Variants in ATRX observed in about 807,000 individuals in gnomAD.
ATRX encodes the protein ATRX chromatin remodeler.
A neutral mutation model predicts 172.6 loss-of-function variants in ATRX; 12 were observed. The observed-to-expected ratio is 0.07, with a 90% CI of 0.04 to 0.11. The LOEUF is 0.11. Ranked by LOEUF, ATRX falls within the 10% of genes least tolerant of loss-of-function variation. The pLI is 1.00. For missense variants in ATRX, 1,368 were observed against 1,767.4 expected, an observed-to-expected ratio of 0.77 and a Z score of 4.05; for synonymous variants, 674 against 594.7, an observed-to-expected ratio of 1.13 and a Z score of -1.94.
intron 22 of ATRX, among the ~76,000 whole-genome samples, chrX:77,606,729 C>A (rs1356139071): frequency 2.1e-5 from 2 of 96,460 alleles, no homozygotes; most frequent in Non-Finnish European, 4.1e-5. Flanking sequence ...TCAAGACAAG[C>A]CTGGGCAACA....
chrX:77,593,861 A>G lies in ATRX; in HGVS notation c.5957-12T>C. 8.3e-7 allele frequency: 1 copy of G among 1,199,416 alleles called. No homozygotes were observed. Among genetic ancestry groups the G allele is most frequent in the Non-Finnish European group, 1.1e-6 (1 of 884,759 alleles). The stretch of plus-strand genomic sequence containing the variant: ...AGAAGTAGCTTTACCTAAATAAGAC[A>G]AATGGAACATAAGTAGGTAAATTAG... On this transcript the variant is annotated splice_polypyrimidine_tract_variant and intron_variant, in intron 25 of 34. Transcript: ENST00000373344.
At chrX:77,688,275 T>G (rs2071692438) in intron 7 of ATRX, among the ~76,000 whole-genome samples, 1 of 111,738 alleles carries the variant, frequency 8.9e-6, no homozygotes, top group Non-Finnish European at 1.9e-5. Context: ...TCCAAGGTAT[T>G]ACTAACAAAA....
chrX:77,724,502 G>A (rs782377955), intron 1 of ATRX, among the ~76,000 whole-genome samples: 17 of 109,932 alleles, frequency 1.5e-4, no homozygotes, highest in African/African-American at 5.3e-4. Context: ...AAACTGCTGG[G>A]ATTACAGGAG....
chrX:77,513,379 G>C (rs1477379140), intron 34 of ATRX, among the ~76,000 whole-genome samples: 1 of 105,283 alleles, frequency 9.5e-6, no homozygotes, highest in Non-Finnish European at 1.9e-5. Context: ...ACTAGATGCA[G>C]CAAGGTGGAA....
chrX:77,780,743 C>A lies in ATRX; in HGVS notation c.20+5239G>T, dbSNP rs572458009. Reference sequence around the variant, plus strand: ...ATCGCTTAAGTCCAGGAGTTCAAGACCAGACTGGGCAACAAAGTGAGACCA... The same window carrying A: ...ATCGCTTAAGTCCAGGAGTTCAAGAACAGACTGGGCAACAAAGTGAGACCA... On this transcript the variant is annotated intron_variant, in intron 1 of 34. Coordinates refer to ENST00000373344, the MANE Select transcript of ATRX (RefSeq NM_000489.6). 3.8e-4 allele frequency among the ~76,000 whole-genome samples: 42 copies of A among 109,493 alleles called. 1 individual carries two copies. In the South Asian group the frequency reaches 0.017, roughly 44 times the overall value.
chrX:77,609,038 A>T (rs2067041874), intron 22 of ATRX, among the ~76,000 whole-genome samples: 1 of 111,813 alleles, frequency 8.9e-6, no homozygotes, highest in African/African-American at 3.3e-5. Flanking sequence ...AAACTACAAT[A>T]AGATATCATC....
chrX:77,659,753 T>G (rs1292837651), intron 12 of ATRX, among the ~76,000 whole-genome samples: 1 of 111,945 alleles, frequency 8.9e-6, no homozygotes, highest in African/African-American at 3.2e-5. Context: ...CATGTTGCAC[T>G]TTGTTCTTAT....
chrX:77,626,761 G>C (rs1293527966), intron 19 of ATRX, among the ~76,000 whole-genome samples: 1 of 111,986 alleles, frequency 8.9e-6, no homozygotes, highest in East Asian at 2.8e-4. Flanking sequence ...CTAGGAGGTA[G>C]GGAACTTTTA....
At chrX:77,666,383 C>T (rs2070238280) in intron 10 of ATRX, among the ~76,000 whole-genome samples, 1 of 112,084 alleles carries the variant, frequency 8.9e-6, no homozygotes, top group African/African-American at 3.2e-5. Flanking sequence ...ACAGGGTTGC[C>T]AACTTTTCAT....
chrX:77,657,571 T>C (rs946760579), intron 12 of ATRX, among the ~76,000 whole-genome samples: 1 of 111,520 alleles, frequency 9.0e-6, no homozygotes, highest in South Asian at 3.7e-4. Flanking sequence ...TACTATTTGA[T>C]TATAACTGGT....
chrX:77,642,573 T>A lies in ATRX; in HGVS notation c.4558-6517A>T, dbSNP rs1441471131. On this transcript the variant is annotated intron_variant, in intron 15 of 34. Transcript: ENST00000373344. Reference sequence around the variant, plus strand: ...AGAAGGCTGAAGTGGGAGAATTGCTTGAGCCCAGGAATTCCAGGCTACAGT... The same window carrying A: ...AGAAGGCTGAAGTGGGAGAATTGCTAGAGCCCAGGAATTCCAGGCTACAGT... Among the ~76,000 whole-genome samples, 4 of 108,284 alleles carry A rather than the reference T, an allele frequency of 3.7e-5. No individual in the cohort carries two copies. The Admixed American group carries it at 4.0e-4, about 11-fold the overall frequency. 94.0% of individuals were successfully genotyped at this position (108,284 alleles called of 115,157 possible).
intron 19 of ATRX, among the ~76,000 whole-genome samples, chrX:77,633,002 T>A (rs2068181280): frequency 8.9e-6 from 1 of 111,948 alleles, no homozygotes; most frequent in Non-Finnish European, 1.9e-5. Context: ...ACTTTCAGAC[T>A]CAGCAAATAA....
chrX:77,526,664 A>T (rs1463578368), intron 30 of ATRX, among the ~76,000 whole-genome samples: 3 of 112,695 alleles, frequency 2.7e-5, no homozygotes, highest in Non-Finnish European at 5.6e-5. Context: ...AGAAAACATA[A>T]AAACTGAAAC....
rs781898638 is a variant in ATRX at position 77,633,199 on chromosome X, T to C, written c.5134+8A>G. 5 of 1,205,603 alleles carry C rather than the reference T, an allele frequency of 4.1e-6. No homozygotes were observed. The highest frequency in any genetic ancestry group is 3.0e-5 in the East Asian group (1 of 33,800). Reference sequence around the variant, plus strand: ...GCTTCTTTATGTCACTGTCTATTAATACCTTACCTGGATCAACCAAAGCTT... The same window carrying C: ...GCTTCTTTATGTCACTGTCTATTAACACCTTACCTGGATCAACCAAAGCTT... On this transcript the variant is annotated splice_region_variant and intron_variant, in intron 19 of 34. Transcript: ENST00000373344.
In ATRX at chrX:77,717,172, T is replaced by C; in HGVS notation, c.92A>G (p.Glu31Gly). ...FLAHSSEESE[E>G]TSSPPRLAMN... The stretch of plus-strand genomic sequence containing the variant: ...TGCAAGTCGTGGAGGAGAACTTGTT[T>C]CTTCAGATTCTTCTGATGAGTGTGC... Residue 31 changes from glutamate to glycine, a missense_variant, in exon 2 of 35, where the codon GAA becomes GGA. Glu to Gly is a moderately conservative substitution (Grantham distance 98, BLOSUM62 -2). Around this residue, in one of 17 missense-constraint regions of ATRX, gnomAD observed 84 missense variants for 82.8 expected, o/e 1.01. Coordinates refer to ENST00000373344, the MANE Select transcript of ATRX (RefSeq NM_000489.6). 1 of 1,210,963 alleles carries C rather than the reference T, an allele frequency of 8.3e-7. No individual in the cohort carries two copies. Among genetic ancestry groups the C allele is most frequent in the Non-Finnish European group, 1.1e-6 (1 of 894,836 alleles).
At chrX:77,765,680 A>T (rs1042892582) in intron 1 of ATRX, among the ~76,000 whole-genome samples, 4 of 107,764 alleles carry the variant, frequency 3.7e-5, no homozygotes, top group Non-Finnish European at 7.8e-5. Flanking sequence ...ATTTTTTTTT[A>T]ATTTTTTTTA....
At chrX:77,748,804 C>T (rs2075191923) in intron 1 of ATRX, among the ~76,000 whole-genome samples, 1 of 110,245 alleles carries the variant, frequency 9.1e-6, no homozygotes, top group African/African-American at 3.3e-5. Context: ...CCAGGCTGGT[C>T]TCGAACTCCT....
intron 34 of ATRX, among the ~76,000 whole-genome samples, chrX:77,519,479 A>G (rs139388623): frequency 1.2e-3 from 129 of 111,447 alleles, no homozygotes; most frequent in African/African-American, 3.9e-3. Flanking sequence ...TCACGCCTGT[A>G]ATCCCAACAC....
At position 77,786,089 on chromosome X, in the gene ATRX, G is replaced by A. The variant is rs782461684; in HGVS notation, c.-88C>T. 2,035 of 1,058,508 alleles carry A rather than the reference G, an allele frequency of 1.9e-3. No homozygotes were observed. The highest frequency in any genetic ancestry group is 2.2e-3 in the Non-Finnish European group (1,740 of 780,748). 87.2% of individuals were successfully genotyped at this position (1,058,508 alleles called of 1,213,427 possible). ...GCCCGGTTACGATAGAAATGCACTG[G>A]AGTCTTAGTCGTCACTGTAGCTGCT... On this transcript the variant is annotated 5_prime_UTR_variant, in exon 1 of 35. Transcript: ENST00000373344.
Sources: allele counts gnomAD v4.1 joint callset (sites outside exome capture counted in the v4.1 genomes callset), GRCh38; gene constraint gnomAD v4.1.1; regional missense constraint gnomAD v4.1.1; transcripts MANE v1.5; gene names NCBI Gene and HGNC (gene_info 2026-07-23, HGNC 2026-07-21).